The following EXOC6 variants were observed in gnomAD, a reference collection of about 807,000 sequenced individuals.
EXOC6 encodes exocyst complex component 6.
Under a neutral mutation model 112.5 loss-of-function variants are expected in EXOC6, and 60 were observed. The ratio of observed to expected loss-of-function variants is 0.53; its 90% CI spans 0.43 to 0.66. The LOEUF (loss-of-function observed/expected upper bound fraction) is 0.66, where lower values mean the gene tolerates loss of function less well. EXOC6 is among the 30% of genes least tolerant of loss of function. EXOC6 has a pLI of 0.00. For missense variants in EXOC6, 855 were observed against 957.1 expected (o/e 0.89, Z 1.41); for synonymous variants, 295 against 308.0 (o/e 0.96, Z 0.44).
intron 6 of EXOC6, among the ~76,000 whole-genome samples, chr10:92,914,295 C>A (rs1850962105): frequency 6.6e-6 from 1 of 151,908 alleles, no homozygotes; most frequent in Admixed American, 6.6e-5. Flanking sequence ...CATCCACCTG[C>A]AAAAAAAGCC....
At chr10:92,831,521 C>T (rs554607257), upstream of EXOC6, among the ~76,000 whole-genome samples, 1 of 152,176 alleles carries the variant, frequency 6.6e-6, no homozygotes, top group South Asian at 2.1e-4. Flanking sequence ...GCAACCTCCA[C>T]CTGCCGGGTT....
chr10:93,036,896 GAGAC>G (rs2134313740), intron 20 of EXOC6, among the ~76,000 whole-genome samples: 1 of 152,242 alleles, frequency 6.6e-6, no homozygotes, highest in East Asian at 1.9e-4. Flanking sequence ...AATGTAAAAA[GAGAC>G]AGTCCCAGAT....
At chr10:92,854,533 A>G (rs1203100988) in intron 1 of EXOC6, among the ~76,000 whole-genome samples, 2 of 151,998 alleles carry the variant, frequency 1.3e-5, no homozygotes, top group African/African-American at 4.8e-5. Flanking sequence ...AATGCTGTTT[A>G]TCAGGTTGAG....
upstream of EXOC6, among the ~76,000 whole-genome samples, chr10:92,833,607 A>G (rs1342485555): frequency 6.6e-6 from 1 of 152,216 alleles, no homozygotes; most frequent in Admixed American, 6.5e-5. Flanking sequence ...CATAGATTGT[A>G]GTTATAGCAT....
At chr10:93,035,334 G>A (rs540026761) in intron 20 of EXOC6, among the ~76,000 whole-genome samples, 15 of 152,272 alleles carry the variant, frequency 9.9e-5, no homozygotes, top group South Asian at 8.3e-4. Context: ...AAGAGTAAAC[G>A]TTAGAGCTGT....
intron 1 of EXOC6, among the ~76,000 whole-genome samples, chr10:92,890,824 A>G (rs1269756708): frequency 1.3e-5 from 2 of 152,192 alleles, no homozygotes; most frequent in Non-Finnish European, 2.9e-5. Flanking sequence ...TGAGGTAACA[A>G]GAGGCAAAAT....
At chr10:93,051,378 A>C (rs1447304393) in intron 20 of EXOC6, among the ~76,000 whole-genome samples, 1 of 152,262 alleles carries the variant, frequency 6.6e-6, no homozygotes, top group African/African-American at 2.4e-5. Context: ...GAGCAAGTCT[A>C]GCAGATGGGA....
chr10:92,915,681 C>A, intron 6 of EXOC6, 77 bp from the exon 7 acceptor site: 11 of 999,976 alleles, frequency 1.1e-5, no homozygotes, highest in East Asian at 3.5e-5. Context: ...TAAAAAAAAA[C>A]TATGAACAAA....
At chr10:93,035,975 C>T (rs1488603136) in intron 20 of EXOC6, among the ~76,000 whole-genome samples, 1 of 152,338 alleles carries the variant, frequency 6.6e-6, no homozygotes, top group East Asian at 1.9e-4. Context: ...AATCCCAGCA[C>T]TTTGGGAGGC....
intron 14 of EXOC6, among the ~76,000 whole-genome samples, chr10:92,949,120 T>G (rs1427050234): frequency 6.6e-6 from 1 of 152,218 alleles, no homozygotes; most frequent in African/African-American, 2.4e-5. Flanking sequence ...ACTTTTGTAT[T>G]CTCTTTATTC....
At chr10:93,039,317 T>C (rs1845660505) in intron 20 of EXOC6, among the ~76,000 whole-genome samples, 1 of 152,208 alleles carries the variant, frequency 6.6e-6, no homozygotes, top group Non-Finnish European at 1.5e-5. Flanking sequence ...TCTCTCCTTT[T>C]CTTTGAACCC....
At chr10:93,033,738 T>TA (rs11373753) in intron 20 of EXOC6, among the ~76,000 whole-genome samples, 19,641 of 152,178 alleles carry the variant, frequency 0.13, 1,394 homozygotes, top group African/African-American at 0.18. Flanking sequence ...CTTGTTTATT[T>TA]GTCATTTATT....
At chr10:92,892,375 A>G (rs1172105525) in intron 1 of EXOC6, among the ~76,000 whole-genome samples, 1 of 152,236 alleles carries the variant, frequency 6.6e-6, no homozygotes, top group East Asian at 1.9e-4. Flanking sequence ...ATGTGTGGTA[A>G]CACGCATGGA....
chr10:92,905,544 C>G (rs1205533006), intron 5 of EXOC6, among the ~76,000 whole-genome samples: 1 of 151,856 alleles, frequency 6.6e-6, no homozygotes, highest in East Asian at 1.9e-4. Flanking sequence ...ACTTCTGTTT[C>G]TTTTTTCCCA....
chr10:92,943,297 C>T lies in EXOC6; in HGVS notation c.1310+2473C>T, dbSNP rs553235425. 5.9e-5 allele frequency among the ~76,000 whole-genome samples: 9 copies of T among 152,204 alleles called. No individual in the cohort carries two copies. The South Asian group carries it at 8.3e-4, about 14-fold the overall frequency. On this transcript the variant is annotated intron_variant, in intron 13 of 21. Transcript: ENST00000260762. ...CCTCCTAAAGTGCTGGGATTACAGG[C>T]GTGAGCCACCCCTCCTGGCCACCTA...
At chr10:93,024,998 T>G (rs1366035935) in intron 20 of EXOC6, among the ~76,000 whole-genome samples, 1 of 152,164 alleles carries the variant, frequency 6.6e-6, no homozygotes, top group African/African-American at 2.4e-5. Context: ...AAATTGTATG[T>G]GTAGATTATA....
chr10:92,905,058 A>G (rs1359424190), intron 5 of EXOC6, among the ~76,000 whole-genome samples: 1 of 151,294 alleles, frequency 6.6e-6, no homozygotes, highest in Non-Finnish European at 1.5e-5. Context: ...TTAAAGAACG[A>G]CTCTTTTTCC....
intron 12 of EXOC6, among the ~76,000 whole-genome samples, chr10:92,936,544 G>A (rs983897875): frequency 1.3e-5 from 2 of 152,210 alleles, no homozygotes; most frequent in African/African-American, 4.8e-5. Flanking sequence ...GCAGTGAGCC[G>A]AGATCGCGCC....
chr10:92,868,440 G>A (rs1848282299), intron 1 of EXOC6, among the ~76,000 whole-genome samples: 1 of 152,118 alleles, frequency 6.6e-6, no homozygotes, highest in Admixed American at 6.6e-5. Flanking sequence ...CATGTGCTAT[G>A]CAGCACTTTT....
Sources: allele counts gnomAD v4.1 joint callset (sites outside exome capture counted in the v4.1 genomes callset), GRCh38; gene constraint gnomAD v4.1.1; transcripts MANE v1.5; gene names NCBI Gene and HGNC (gene_info 2026-07-23, HGNC 2026-07-21).